Variants in VPS13B observed in about 807,000 individuals in gnomAD.
VPS13B encodes the protein intermembrane lipid transfer protein VPS13B.
Under a neutral mutation model 426.4 loss-of-function variants are expected in VPS13B, and 285 were observed. The observed-to-expected ratio is 0.67, with a 90% CI of 0.61 to 0.74. The LOEUF (loss-of-function observed/expected upper bound fraction) is 0.74, where lower values mean the gene tolerates loss of function less well. Among genes scored for constraint, VPS13B ranks in the 30% least tolerant of loss-of-function variants. The pLI, the probability that VPS13B is intolerant of heterozygous loss-of-function variation, is 0.00. For synonymous variants in VPS13B, 1,676 were observed against 1,676.4 expected (o/e 1.00, Z 0.01); for missense variants, 4,537 against 4,782.6 (o/e 0.95, Z 1.51).
At chr8:99,770,333 C>T (rs1053157685) in intron 40 of VPS13B, among the ~76,000 whole-genome samples, 3 of 152,144 alleles carry the variant, frequency 2.0e-5, no homozygotes, top group African/African-American at 7.2e-5. Context: ...GCAAGGGATG[C>T]ACCCTCTGGA....
intron 36 of VPS13B, 30 bp downstream of exon 36, chr8:99,699,962 C>A (rs750956199): frequency 6.2e-7 from 1 of 1,609,782 alleles, no homozygotes; most frequent in Non-Finnish European, 8.5e-7. Flanking sequence ...AGGGGGGAGA[C>A]AGAACAAGTA....
chr8:99,751,568 T>A (rs899434420), intron 39 of VPS13B, among the ~76,000 whole-genome samples: 1 of 152,166 alleles, frequency 6.6e-6, no homozygotes, highest in African/African-American at 2.4e-5. Context: ...GATCGTTGTA[T>A]CCCTAGTTTA....
At chr8:99,624,537 G>C (rs754186014) in intron 33 of VPS13B, among the ~76,000 whole-genome samples, 13 of 152,148 alleles carry the variant, frequency 8.5e-5, no homozygotes, top group Non-Finnish European at 1.9e-4. Context: ...GATAAAGTCA[G>C]CTGCTATATT....
At chr8:99,828,672 G>C (rs1273036604) in intron 51 of VPS13B, among the ~76,000 whole-genome samples, 1 of 151,742 alleles carries the variant, frequency 6.6e-6, no homozygotes, top group Non-Finnish European at 1.5e-5. Flanking sequence ...CCCATTAGTT[G>C]GTGCAGTTTT....
At chr8:99,019,937 G>C (rs377393445) in intron 2 of VPS13B, among the ~76,000 whole-genome samples, 8 of 152,294 alleles carry the variant, frequency 5.3e-5, no homozygotes, top group East Asian at 1.9e-4. Context: ...CTGATATGAA[G>C]GTAGGTGTAC....
chr8:99,289,863 G>T (rs1182729717), intron 19 of VPS13B, among the ~76,000 whole-genome samples: 1 of 152,058 alleles, frequency 6.6e-6, no homozygotes, highest in Non-Finnish European at 1.5e-5. Context: ...CTTATCCTGT[G>T]TAGAAAAATA....
In VPS13B at chr8:99,587,332, A is replaced by G. The variant is rs896889771; in HGVS notation, c.5220+9699A>G. ...GCATGATTTATAATCCTATGGGTAT[A>G]TACCCAGTAATGGGATGGCTGGGTC... is the stretch of plus-strand genomic sequence containing the variant. On this transcript the variant is annotated intron_variant, in intron 33 of 61. Transcript: ENST00000357162. Among the ~76,000 whole-genome samples the G allele has an allele frequency of 3.3e-5, 5 of 152,138 alleles. No individual in the cohort carries two copies. The East Asian group carries it at 7.7e-4, about 23-fold the overall frequency.
At chr8:99,180,465 AT>A (rs1812887111) in intron 16 of VPS13B, among the ~76,000 whole-genome samples, 1 of 152,192 alleles carries the variant, frequency 6.6e-6, no homozygotes, top group African/African-American at 2.4e-5. Flanking sequence ...CCAACACTGC[AT>A]TAAGACAAAT....
intron 3 of VPS13B, among the ~76,000 whole-genome samples, chr8:99,041,275 C>T (rs1218457029): frequency 6.6e-6 from 1 of 152,202 alleles, no homozygotes; most frequent in Non-Finnish European, 1.5e-5. Context: ...ATTGCCCTCA[C>T]TTTTAAATCT....
chr8:99,300,879 A>AG (rs1245036997), intron 19 of VPS13B, among the ~76,000 whole-genome samples: 3 of 140,320 alleles, frequency 2.1e-5, no homozygotes, highest in African/African-American at 5.3e-5. Context: ...TATTTAATAT[A>AG]GTTTTTTTTT....
At chr8:99,286,865 G>C (rs1408546488) in intron 19 of VPS13B, among the ~76,000 whole-genome samples, 1 of 152,010 alleles carries the variant, frequency 6.6e-6, no homozygotes, top group Non-Finnish European at 1.5e-5. Context: ...TGATACCACC[G>C]GCAGAGGGCA....
intron 19 of VPS13B, among the ~76,000 whole-genome samples, chr8:99,281,738 C>T (rs1819185580): frequency 1.3e-5 from 2 of 152,166 alleles, no homozygotes; most frequent in South Asian, 4.1e-4. Flanking sequence ...ATCTTAGGTC[C>T]CTGACAATTC....
At chr8:99,696,562 G>T in intron 35 of VPS13B, 1 of 516,590 alleles carries the variant, frequency 1.9e-6, no homozygotes. Flanking sequence ...CTCTTCCCCA[G>T]CATGCCAGCA....
chr8:99,442,672 T>C (rs753696052), intron 23 of VPS13B, 37 bp downstream of exon 23: 1 of 1,575,590 alleles, frequency 6.3e-7, no homozygotes, highest in East Asian at 2.2e-5. Context: ...GTTAATGTTT[T>C]ATATGGACAT....
intron 33 of VPS13B, among the ~76,000 whole-genome samples, chr8:99,589,262 T>C (rs977688746): frequency 2.0e-5 from 3 of 151,706 alleles, no homozygotes; most frequent in African/African-American, 7.3e-5. Context: ...CGTGCAGGTT[T>C]GTTACATGTG....
At chr8:99,479,997 C>T (rs961244439) in intron 24 of VPS13B, among the ~76,000 whole-genome samples, 1 of 152,142 alleles carries the variant, frequency 6.6e-6, no homozygotes. Flanking sequence ...TTTTACATTC[C>T]TACCAGCAGA....
chr8:99,437,018 C>T (rs1019423045), intron 22 of VPS13B, among the ~76,000 whole-genome samples: 2 of 151,960 alleles, frequency 1.3e-5, no homozygotes, highest in Non-Finnish European at 2.9e-5. Context: ...GGATTACAGG[C>T]GTGAGCTTTT....
chr8:99,862,617 G>T (rs769364633), intron 58 of VPS13B, among the ~76,000 whole-genome samples: 5 of 152,210 alleles, frequency 3.3e-5, no homozygotes, highest in Admixed American at 6.5e-5. Context: ...GTTTGCAAAA[G>T]AATTTAAAAC....
intron 2 of VPS13B, among the ~76,000 whole-genome samples, chr8:99,015,176 T>G (rs1215007236): frequency 1.3e-5 from 2 of 151,862 alleles, no homozygotes; most frequent in Non-Finnish European, 2.9e-5. Context: ...CATTTTATTT[T>G]ATTTTTTAAT....
Sources: allele counts gnomAD v4.1 joint callset (sites outside exome capture counted in the v4.1 genomes callset), GRCh38; gene constraint gnomAD v4.1.1; transcripts MANE v1.5; gene names NCBI Gene and HGNC (gene_info 2026-07-23, HGNC 2026-07-21).